KIFAP3: variants seen among roughly 807,000 people sequenced by gnomAD.
KIFAP3 encodes the protein kinesin-associated protein 3.
KIFAP3 carries 68 observed loss-of-function variants against 106.5 expected under a neutral mutation model. That is an observed-to-expected ratio of 0.64 (90% CI 0.53 to 0.78). The LOEUF is 0.78. Ranked by LOEUF, KIFAP3 falls within the 30% of genes least tolerant of loss-of-function variation. The pLI is 0.00. For missense variants in KIFAP3, 780 were observed against 941.8 expected (o/e 0.83, Z 2.25); for synonymous variants, 320 against 311.5 (o/e 1.03, Z -0.29).
At chr1:170,083,828 A>C (rs1190592543) in intron 1 of KIFAP3, among the ~76,000 whole-genome samples, 1 of 152,214 alleles carries the variant, frequency 6.6e-6, no homozygotes, top group Non-Finnish European at 1.5e-5. Context: ...AAATACCCAT[A>C]TTGCCAAAGA....
chr1:170,080,861 C>T (rs958957867), intron 1 of KIFAP3, among the ~76,000 whole-genome samples: 3 of 152,074 alleles, frequency 2.0e-5, no homozygotes, highest in African/African-American at 7.2e-5. Context: ...TATTCTGTCA[C>T]CACAAAGATC....
At chr1:169,987,562 A>G (rs962959392) in intron 11 of KIFAP3, among the ~76,000 whole-genome samples, 2 of 152,050 alleles carry the variant, frequency 1.3e-5, no homozygotes, top group Admixed American at 1.3e-4. Context: ...TCCTGTTTGA[A>G]GTGATGCTCT....
At chr1:170,003,829 A>T (rs1000299867) in intron 10 of KIFAP3, among the ~76,000 whole-genome samples, 1 of 152,196 alleles carries the variant, frequency 6.6e-6, no homozygotes, top group Admixed American at 6.5e-5. Flanking sequence ...TTACCACTCC[A>T]ATTCAATGTA....
intron 2 of KIFAP3, among the ~76,000 whole-genome samples, chr1:170,047,350 G>A (rs948750887): frequency 6.6e-6 from 1 of 151,952 alleles, no homozygotes; most frequent in African/African-American, 2.4e-5. Flanking sequence ...GCCGGGCACG[G>A]TGGTTCACGC....
chr1:170,064,225 T>G (rs1025656729), intron 1 of KIFAP3, among the ~76,000 whole-genome samples: 1 of 152,220 alleles, frequency 6.6e-6, no homozygotes, highest in Non-Finnish European at 1.5e-5. Context: ...CTTCCTATCT[T>G]TATACCTTTT....
At chr1:170,019,050 CAG>C (rs1237340435) in intron 9 of KIFAP3, among the ~76,000 whole-genome samples, 2 of 152,048 alleles carry the variant, frequency 1.3e-5, no homozygotes, top group African/African-American at 4.8e-5. Context: ...GCCCTTCAGA[CAG>C]AGATAAAAAG....
chr1:169,924,728 TG>T (rs1228153767), intron 19 of KIFAP3, among the ~76,000 whole-genome samples: 1 of 152,194 alleles, frequency 6.6e-6, no homozygotes, highest in Admixed American at 6.6e-5. Context: ...CTTTTTTCCT[TG>T]GGAAAAGGAT....
At chr1:169,959,326 T>G (rs1409835753) in intron 18 of KIFAP3, among the ~76,000 whole-genome samples, 4 of 152,180 alleles carry the variant, frequency 2.6e-5, no homozygotes, top group African/African-American at 9.7e-5. Context: ...TGGAAAATGA[T>G]GTAGGTAAAA....
intron 19 of KIFAP3, among the ~76,000 whole-genome samples, chr1:169,934,290 T>G (rs1482795681): frequency 1.3e-5 from 2 of 152,136 alleles, no homozygotes; most frequent in Non-Finnish European, 2.9e-5. Context: ...GTTCTTTCCT[T>G]TTACCGTAGT....
rs1193914042 is a variant in KIFAP3, at chr1:170,046,720, G to A, written c.311C>T (p.Ser104Leu). 1.3e-6 allele frequency: 2 copies of A among 1,540,330 alleles called. No individual in the cohort carries two copies. The highest frequency in any genetic ancestry group is 1.3e-5 in the South Asian group (1 of 77,942). ...YYLQNRRDSL[S>L]GKEKKEKSSK... ...GGAATTCTACTACTTACCTTTTCCT[G>A]ACAATGAATCACGGCGGTTCTGTAG... is the stretch of plus-strand genomic sequence containing the variant. Residue 104 changes from serine (S) to leucine (L), a missense_variant, in exon 3 of 20, where the codon TCA becomes TTA. Physicochemically the swap from Ser to Leu is moderately radical, Grantham distance 145 (BLOSUM62 -2). Around this residue, in one of 3 missense-constraint regions of KIFAP3, gnomAD observed 588 missense variants for 678.9 expected, o/e 0.87. Transcript: ENST00000361580.
chr1:169,952,282 A>C (rs372571236), intron 19 of KIFAP3, among the ~76,000 whole-genome samples: 299 of 152,162 alleles, frequency 2.0e-3, no homozygotes, highest in Middle Eastern at 3.4e-3. Context: ...CCATGCTTTT[A>C]AACTTTGGGT....
chr1:170,046,694 A>C lies in KIFAP3; in HGVS notation c.319+18T>G. The C allele has an allele frequency of 6.9e-7, 1 of 1,459,012 alleles. No homozygotes were observed. The highest frequency in any genetic ancestry group is 9.1e-7 in the Non-Finnish European group (1 of 1,095,996). The allele number at this position is 1,459,012 out of a possible 1,614,324, so 90.4% of individuals were successfully genotyped here. ...AACTTTGGATTTGCATTAGGAAGCC[A>C]GGAATTCTACTACTTACCTTTTCCT... On this transcript the variant is annotated intron_variant, in intron 3 of 19. Coordinates refer to ENST00000361580, the MANE Select transcript of KIFAP3 (RefSeq NM_014970.4).
chr1:169,986,432 T>TGCTC (rs1213718146), intron 11 of KIFAP3, among the ~76,000 whole-genome samples: 1 of 151,966 alleles, frequency 6.6e-6, no homozygotes, highest in African/African-American at 2.4e-5. Flanking sequence ...ATGTATCATA[T>TGCTC]GCTCCCCTTG....
intron 8 of KIFAP3, among the ~76,000 whole-genome samples, chr1:170,025,790 A>C: frequency 6.6e-6 from 1 of 152,342 alleles, no homozygotes; most frequent in African/African-American, 2.4e-5. Context: ...CTGACTTTCT[A>C]TGCAAGGCAC....
intron 1 of KIFAP3, among the ~76,000 whole-genome samples, chr1:170,069,415 T>G (rs1222818943): frequency 6.6e-6 from 1 of 152,050 alleles, no homozygotes; most frequent in African/African-American, 2.4e-5. Context: ...CAGGAAAACC[T>G]TTAGACCAAT....
chr1:170,039,377 G>T, intron 3 of KIFAP3, 89 bp from the exon 4 acceptor site: 1 of 635,864 alleles, frequency 1.6e-6, no homozygotes, highest in Non-Finnish European at 2.8e-6. Flanking sequence ...TTAACTCTAG[G>T]TAAACTGGGG....
At chr1:170,038,757 T>C (rs1055650340) in intron 4 of KIFAP3, among the ~76,000 whole-genome samples, 14 of 152,184 alleles carry the variant, frequency 9.2e-5, no homozygotes, top group Non-Finnish European at 2.1e-4. Context: ...TATGTAAACA[T>C]TTTTACCCAT....
chr1:170,062,231 A>G (rs1244778320), intron 1 of KIFAP3, among the ~76,000 whole-genome samples: 1 of 150,070 alleles, frequency 6.7e-6, no homozygotes, highest in Non-Finnish European at 1.5e-5. Flanking sequence ...AAAAAAAAAG[A>G]AAAAGAAAAT....
chr1:170,082,576 T>A (rs1238879693), intron 1 of KIFAP3, among the ~76,000 whole-genome samples: 1 of 152,262 alleles, frequency 6.6e-6, no homozygotes, highest in East Asian at 1.9e-4. Flanking sequence ...TAAATTATAC[T>A]TTCTCTTTGT....
Sources: allele counts gnomAD v4.1 joint callset (sites outside exome capture counted in the v4.1 genomes callset), GRCh38; gene constraint gnomAD v4.1.1; regional missense constraint gnomAD v4.1.1; transcripts MANE v1.5; gene names NCBI Gene and HGNC (gene_info 2026-07-23, HGNC 2026-07-21).